The following LRBA variants were observed in gnomAD, a reference collection of about 807,000 sequenced individuals.
The protein encoded by LRBA is lipopolysaccharide-responsive and beige-like anchor protein.
LRBA carries 176 observed loss-of-function variants against 330.0 expected under a neutral mutation model. The observed-to-expected ratio is 0.53, with a 90% confidence interval of 0.47 to 0.60. The LOEUF (loss-of-function observed/expected upper bound fraction) is 0.60. Among genes scored for constraint, LRBA ranks in the 20% least tolerant of loss-of-function variants. The pLI, the probability that LRBA is intolerant of heterozygous loss-of-function variation, is 0.00. For synonymous variants in LRBA, 1,230 were observed against 1,193.0 expected (o/e 1.03, Z -0.64); for missense variants, 3,259 against 3,444.8 (o/e 0.95, Z 1.35).
At chr4:150,359,535 C>G (rs900612468) in intron 47 of LRBA, among the ~76,000 whole-genome samples, 1 of 152,134 alleles carries the variant, frequency 6.6e-6, no homozygotes, top group Non-Finnish European at 1.5e-5. Context: ...CTTAACCATA[C>G]TAGAGGAGAA....
At chr4:150,849,305 TG>T (rs1261573472) in intron 25 of LRBA, 116 bp downstream of exon 25, 2 of 856,468 alleles carry the variant, frequency 2.3e-6, no homozygotes, top group African/African-American at 3.4e-5. Flanking sequence ...AAGATCCTAT[TG>T]TTTTTTATTT....
At position 150,321,432 on chromosome 4, in the gene LRBA, A is replaced by C. The variant is rs752034243; in HGVS notation, c.7453-64T>G. On this transcript the variant is annotated intron_variant, in intron 49 of 56. Transcript: ENST00000651943. The surrounding 1 kb of genome is among the most constrained non-coding windows in gnomAD (Gnocchi z 4.5). ...CCAAATAGACAAGAAGGAAAAGATG[A>C]AGAAAGACAAGAAAGAGAGGGGGTG... The C allele has an allele frequency of 6.8e-6, 9 of 1,332,970 alleles. No individual in the cohort carries two copies. The highest frequency in any genetic ancestry group is 2.6e-4 in the Middle Eastern group (1 of 3,914). 82.6% of individuals were successfully genotyped at this position (1,332,970 alleles called of 1,614,324 possible).
intron 41 of LRBA, among the ~76,000 whole-genome samples, chr4:150,489,597 G>GAATATATAATATAT (rs547953100): frequency 3.7e-5 from 2 of 54,668 alleles, no homozygotes; most frequent in African/African-American, 5.7e-5. Context: ...TATTATATAA[G>GAATATATAATATAT]AATATATAAT....
At chr4:150,926,084 T>C (rs778042327) in intron 4 of LRBA, among the ~76,000 whole-genome samples, 14 of 152,042 alleles carry the variant, frequency 9.2e-5, no homozygotes, top group Non-Finnish European at 1.3e-4. Context: ...CCACAGAAGA[T>C]AGAAGTTTCA....
At chr4:150,388,743 G>A (rs552346919) in intron 47 of LRBA, among the ~76,000 whole-genome samples, 19 of 152,308 alleles carry the variant, frequency 1.2e-4, no homozygotes, top group African/African-American at 4.3e-4. Flanking sequence ...TAAACTCCAA[G>A]AAGGCAGGGA....
At chr4:150,808,447 G>A in intron 31 of LRBA, 49 bp from the exon 32 acceptor site, 1 of 1,031,348 alleles carries the variant, frequency 9.7e-7, no homozygotes. Context: ...TTTTAGATAT[G>A]AAGATTTAAA....
intron 56 of LRBA, among the ~76,000 whole-genome samples, chr4:150,275,178 C>A (rs1746597130): frequency 6.6e-6 from 1 of 152,120 alleles, no homozygotes; most frequent in African/African-American, 2.4e-5. Flanking sequence ...ATGACAAAAA[C>A]CACATGATTA....
At chr4:150,664,807 T>C (rs1027216787) in intron 37 of LRBA, among the ~76,000 whole-genome samples, 3 of 152,322 alleles carry the variant, frequency 2.0e-5, no homozygotes, top group African/African-American at 7.2e-5. Flanking sequence ...ATGAATAGAT[T>C]ACAACCTTAA....
chr4:150,981,587 A>C (rs1338431060), intron 2 of LRBA, among the ~76,000 whole-genome samples: 1 of 152,128 alleles, frequency 6.6e-6, no homozygotes, highest in Admixed American at 6.5e-5. Context: ...ACAGACACAC[A>C]GACCAGAAGA....
chr4:150,806,666 C>G (rs1254981672), intron 32 of LRBA, among the ~76,000 whole-genome samples: 1 of 152,042 alleles, frequency 6.6e-6, no homozygotes, highest in African/African-American at 2.4e-5. Context: ...CAAGTCTCAC[C>G]TGGCCAGTTA....
At position 150,805,995 on chromosome 4, in the gene LRBA, G is replaced by T. The variant is rs149482890; in HGVS notation, c.5518+276C>A. Among the ~76,000 whole-genome samples, 953 of 147,360 alleles carry T rather than the reference G, an allele frequency of 6.5e-3. 6 individuals are homozygous for T. Among genetic ancestry groups the T allele is most frequent in the Non-Finnish European group, 0.011 (710 of 67,078 alleles). On this transcript the variant is annotated intron_variant, in intron 33 of 56. Transcript: ENST00000651943. ...GTGACACTAGTCTCTCCAATTCTTT[G>T]CTCTCAAAATTAATTTTAATGTATC... is the stretch of plus-strand genomic sequence containing the variant.
At chr4:150,581,422 AG>A (rs775883708) in intron 40 of LRBA, 7 of 375,984 alleles carry the variant, frequency 1.9e-5, no homozygotes, top group Non-Finnish European at 2.6e-5. Flanking sequence ...ACTTTAAAGG[AG>A]GAAAAAACCT....
intron 40 of LRBA, among the ~76,000 whole-genome samples, chr4:150,510,398 A>C (rs903464318): frequency 3.3e-5 from 5 of 152,166 alleles, no homozygotes; most frequent in African/African-American, 1.2e-4. Context: ...AGATGTCAAA[A>C]CCAGACAAAC....
intron 42 of LRBA, among the ~76,000 whole-genome samples, chr4:150,474,588 C>T (rs1351050290): frequency 6.6e-6 from 1 of 152,080 alleles, no homozygotes; most frequent in Non-Finnish European, 1.5e-5. Flanking sequence ...GAAAACTACC[C>T]TATTAATTAT....
At chr4:150,625,053 G>A (rs557939253) in intron 37 of LRBA, among the ~76,000 whole-genome samples, 1 of 152,252 alleles carries the variant, frequency 6.6e-6, no homozygotes, top group African/African-American at 2.4e-5. Flanking sequence ...GACACAAATT[G>A]AAAAATGTAT....
chr4:150,550,008 T>A lies in LRBA; in HGVS notation c.6330+38040A>T, dbSNP rs144389727. ...CTTTTAACCCATACAACACATAGTG[T>A]GTAAATAAAAAAATACAAACTAGTT... On this transcript the variant is annotated intron_variant, in intron 40 of 56. Transcript: ENST00000651943. Among the ~76,000 whole-genome samples the A allele has an allele frequency of 1.9e-3, 285 of 152,302 alleles. 4 individuals are homozygous for A. The highest frequency in any genetic ancestry group is 6.7e-3 in the African/African-American group (277 of 41,574).
chr4:150,397,192 AT>A (rs1193907200), intron 47 of LRBA, among the ~76,000 whole-genome samples: 1 of 152,108 alleles, frequency 6.6e-6, no homozygotes, highest in African/African-American at 2.4e-5. Context: ...AAATTTTCAT[AT>A]TTTTTCTGAT....
chr4:150,558,649 T>C (rs190897294), intron 40 of LRBA, among the ~76,000 whole-genome samples: 1 of 152,320 alleles, frequency 6.6e-6, no homozygotes, highest in Admixed American at 6.5e-5. Flanking sequence ...TATTAGAAAC[T>C]AAGACCTGGG....
intron 41 of LRBA, among the ~76,000 whole-genome samples, chr4:150,489,041 A>C (rs1304670396): frequency 9.2e-5 from 10 of 109,176 alleles, no homozygotes; most frequent in Non-Finnish European, 8.7e-5. Context: ...TATTATATAT[A>C]ATATATTATA....
Sources: gnomAD v4.1 joint callset for allele counts (sites outside exome capture counted in the v4.1 genomes callset) on GRCh38, gnomAD v4.1.1 for gene constraint, Gnocchi (gnomAD v3.1) non-coding constraint, MANE v1.5 for transcripts, NCBI Gene and HGNC (gene_info 2026-07-23, HGNC 2026-07-21) for gene names.